Variants in ZNF385B observed in about 807,000 individuals in gnomAD.
The protein encoded by ZNF385B is zinc finger protein 385B.
ZNF385B carries 23 observed loss-of-function variants against 39.2 expected under a neutral mutation model. The observed-to-expected ratio is 0.59, with a 90% confidence interval of 0.42 to 0.83. The LOEUF (loss-of-function observed/expected upper bound fraction) is 0.83, where lower values mean the gene tolerates loss of function less well. Among genes scored for constraint, ZNF385B ranks in the 40% least tolerant of loss-of-function variants. ZNF385B has a pLI of 0.00. For missense variants in ZNF385B, 552 were observed against 598.9 expected (o/e 0.92, Z 0.82); for synonymous variants, 205 against 222.6 (o/e 0.92, Z 0.70).
intron 5 of ZNF385B, among the ~76,000 whole-genome samples, chr2:179,493,691 A>ATGTG (rs1559336744): frequency 1.8e-5 from 2 of 112,096 alleles, no homozygotes; most frequent in African/African-American, 6.4e-5. Flanking sequence ...ATATACACAT[A>ATGTG]TATACATATA....
chr2:179,819,069 ACACAC>A (rs1475581984), intron 1 of ZNF385B, among the ~76,000 whole-genome samples: 4 of 136,204 alleles, frequency 2.9e-5, no homozygotes, highest in Non-Finnish European at 6.4e-5. Context: ...ACACACACAC[ACACAC>A]AATTTACTCC....
chr2:179,535,033 C>T (rs1354253909), intron 4 of ZNF385B, among the ~76,000 whole-genome samples: 1 of 152,120 alleles, frequency 6.6e-6, no homozygotes, highest in African/African-American at 2.4e-5. Flanking sequence ...TTTGATCATA[C>T]TATAATGGCA....
intron 3 of ZNF385B, among the ~76,000 whole-genome samples, chr2:179,682,506 AT>A (rs2106327353): frequency 6.6e-6 from 1 of 152,320 alleles, no homozygotes; most frequent in East Asian, 1.9e-4. Context: ...CACTTACCAC[AT>A]TCAGATGACT....
At chr2:179,656,263 T>C (rs1052787294) in intron 3 of ZNF385B, among the ~76,000 whole-genome samples, 1 of 152,028 alleles carries the variant, frequency 6.6e-6, no homozygotes, top group Non-Finnish European at 1.5e-5. Flanking sequence ...TTGCAGAAAG[T>C]TTTATGTATA....
intron 3 of ZNF385B, among the ~76,000 whole-genome samples, chr2:179,749,846 C>T (rs545676456): frequency 4.7e-4 from 71 of 152,176 alleles, no homozygotes; most frequent in African/African-American, 1.7e-3. Flanking sequence ...AATCTAAAAA[C>T]CAAGACTTAA....
At chr2:179,600,141 A>G (rs535362956) in intron 3 of ZNF385B, among the ~76,000 whole-genome samples, 6 of 152,326 alleles carry the variant, frequency 3.9e-5, no homozygotes, top group African/African-American at 9.6e-5. Context: ...AATTGTGCCA[A>G]TCTTCCAGCC....
rs755278598 is a variant in ZNF385B at position 179,836,513 on chromosome 2, C to CTTTTTTTTTTTTTT, written c.-155+24574_-155+24587dup. On this transcript the variant is annotated intron_variant, in intron 1 of 9. Coordinates refer to ENST00000410066, the MANE Select transcript of ZNF385B (RefSeq NM_152520.6). The stretch of plus-strand genomic sequence containing the variant: ...ATCTGAATCAAGGTTCTTGCGTTTT[C>CTTTTTTTTTTTTTT]TTTTTTTTTTTTTTTTGAGACGGAG... Among the ~76,000 whole-genome samples the CTTTTTTTTTTTTTT allele has an allele frequency of 1.0e-3, 124 of 124,156 alleles. 2 individuals are homozygous for CTTTTTTTTTTTTTT. Among genetic ancestry groups the CTTTTTTTTTTTTTT allele is most frequent in the South Asian group, 1.5e-3 (6 of 3,946 alleles). 81.5% of individuals were successfully genotyped at this position (124,156 alleles called of 152,430 possible).
chr2:179,744,446 C>T (rs933213962), intron 3 of ZNF385B, among the ~76,000 whole-genome samples: 3 of 151,974 alleles, frequency 2.0e-5, no homozygotes, highest in African/African-American at 7.3e-5. Context: ...ACCATGTGCT[C>T]AGTATAAAAC....
intron 3 of ZNF385B, among the ~76,000 whole-genome samples, chr2:179,702,217 T>C (rs1343683689): frequency 6.6e-6 from 1 of 152,250 alleles, no homozygotes; most frequent in African/African-American, 2.4e-5. Context: ...TTTCATCTTG[T>C]ATTTCTAAAT....
At chr2:179,573,574 A>G (rs1675289009) in intron 3 of ZNF385B, among the ~76,000 whole-genome samples, 1 of 152,154 alleles carries the variant, frequency 6.6e-6, no homozygotes, top group Non-Finnish European at 1.5e-5. Context: ...CATGTGCTGT[A>G]AAGTTAGGTC....
chr2:179,770,511 T>C lies in ZNF385B; in HGVS notation c.-3+10A>G, dbSNP rs1344348559. The C allele has an allele frequency of 3.9e-5, 6 of 152,218 alleles. No homozygotes were observed. Among genetic ancestry groups the C allele is most frequent in the African/African-American group, 1.4e-4 (6 of 41,460 alleles). The allele number at this position is 152,218 out of a possible 1,614,324, so 9.4% of individuals were successfully genotyped here. The stretch of plus-strand genomic sequence containing the variant: ...AACAAAGAACAAAATACTGTATGCC[T>C]GCAACTTACATTGGGTTGTGTTCTA... On this transcript the variant is annotated intron_variant, in intron 2 of 9. Coordinates refer to ENST00000410066, the MANE Select transcript of ZNF385B (RefSeq NM_152520.6).
chr2:179,848,118 G>A (rs994566000), intron 1 of ZNF385B, among the ~76,000 whole-genome samples: 2 of 152,120 alleles, frequency 1.3e-5, no homozygotes, highest in Admixed American at 1.3e-4. Context: ...AGCAGTCATG[G>A]ATACCAAGCA....
At chr2:179,830,224 T>C (rs1449149184) in intron 1 of ZNF385B, among the ~76,000 whole-genome samples, 1 of 152,212 alleles carries the variant, frequency 6.6e-6, no homozygotes, top group African/African-American at 2.4e-5. Flanking sequence ...AAACTGACCA[T>C]ACTGTATGCT....
At chr2:179,511,370 G>GA (rs2057669658) in intron 5 of ZNF385B, among the ~76,000 whole-genome samples, 1 of 152,148 alleles carries the variant, frequency 6.6e-6, no homozygotes, top group South Asian at 2.1e-4. Context: ...AGACAAATAT[G>GA]AGTTGGTATT....
intron 3 of ZNF385B, among the ~76,000 whole-genome samples, chr2:179,754,284 C>G (rs1419559026): frequency 6.6e-6 from 1 of 152,108 alleles, no homozygotes; most frequent in Non-Finnish European, 1.5e-5. Context: ...GGATGAAGCC[C>G]AGTTGATCAT....
At chr2:179,573,669 T>C (rs566603519) in intron 3 of ZNF385B, among the ~76,000 whole-genome samples, 32 of 152,224 alleles carry the variant, frequency 2.1e-4, no homozygotes, top group African/African-American at 7.7e-4. Context: ...ATGTGAATTT[T>C]TGAAGTTAAA....
At chr2:179,544,284 C>A (rs13391592) in intron 4 of ZNF385B, among the ~76,000 whole-genome samples, 11,420 of 152,206 alleles carry the variant, frequency 0.075, 600 homozygotes, top group African/African-American at 0.15. Context: ...TCTTGCAGAT[C>A]ACTAGTATGT....
intron 1 of ZNF385B, among the ~76,000 whole-genome samples, chr2:179,809,268 A>C (rs1706585402): frequency 6.6e-6 from 1 of 152,190 alleles, no homozygotes; most frequent in Admixed American, 6.5e-5. Context: ...TATGGCATGT[A>C]AAGAACTTTG....
chr2:179,737,820 G>C (rs1701859215), intron 3 of ZNF385B, among the ~76,000 whole-genome samples: 1 of 152,192 alleles, frequency 6.6e-6, no homozygotes, highest in African/African-American at 2.4e-5. Context: ...CTTGGAAAGT[G>C]AAGTAATTTG....
Sources: gnomAD v4.1 joint callset for allele counts (sites outside exome capture counted in the v4.1 genomes callset) on GRCh38, gnomAD v4.1.1 for gene constraint, MANE v1.5 for transcripts, NCBI Gene and HGNC (gene_info 2026-07-23, HGNC 2026-07-21) for gene names.